The following IL21R variants were observed in gnomAD, a reference collection of about 807,000 sequenced individuals.
IL21R encodes interleukin-21 receptor.
A neutral mutation model predicts 41.3 loss-of-function variants in IL21R; 14 were observed. The ratio of observed to expected loss-of-function variants is 0.34; its 90% CI spans 0.22 to 0.53. IL21R has a LOEUF of 0.53. Among genes scored for constraint, IL21R ranks in the 20% least tolerant of loss-of-function variants. IL21R has a pLI of 0.94. For synonymous variants in IL21R, 286 were observed against 287.6 expected (o/e 0.99, Z 0.05); for missense variants, 588 against 681.6 (o/e 0.86, Z 1.53).
At chr16:27,405,692 C>G (rs556619504) in intron 1 of IL21R, among the ~76,000 whole-genome samples, 8 of 152,284 alleles carry the variant, frequency 5.3e-5, no homozygotes, top group African/African-American at 1.9e-4. Flanking sequence ...ATGGGAGGAA[C>G]CCACCCCCAC....
intron 1 of IL21R, among the ~76,000 whole-genome samples, chr16:27,407,409 A>C (rs1037199347): frequency 1.3e-5 from 2 of 152,206 alleles, no homozygotes; most frequent in African/African-American, 4.8e-5. Flanking sequence ...CTCTTTGAAG[A>C]GGCAACACTG....
At chr16:27,403,302 G>T (rs575148392) in intron 1 of IL21R, 1 of 1,265,520 alleles carries the variant, frequency 7.9e-7, no homozygotes, top group African/African-American at 1.5e-5. Context: ...TGAAGGATGG[G>T]AAAGGAAGAA....
rs200076742 is a variant in IL21R at position 27,449,130 on chromosome 16, C to T, written c.1464C>T (p.Asp488=). The T allele has an allele frequency of 9.9e-6, 16 of 1,613,458 alleles. No homozygotes were observed. The highest frequency in any genetic ancestry group is 8.9e-5 in the East Asian group (4 of 44,884). ...CACCCCTGGCCGGCCTGGATATGGA[C>T]ACGTTTGACAGTGGCTTTGTGGGCT... ...AGSPLAGLDM[D]TFDSGFVGSD... The change falls in exon 9 of 9, where the codon GAC becomes GAT. Residue 488 remains aspartate, a synonymous_variant. Transcript: ENST00000337929.
At chr16:27,403,132 T>C (rs761283776) in intron 1 of IL21R, 1 of 908,394 alleles carries the variant, frequency 1.1e-6, no homozygotes, top group South Asian at 1.4e-5. Context: ...GTGACTCAAC[T>C]GGGACGTAGC....
rs2087457107 is a variant in IL21R at position 27,445,252 on chromosome 16, G to A, written c.761G>A (p.Ser254Asn). 1.9e-6 allele frequency: 3 copies of A among 1,613,816 alleles called. No homozygotes were observed. Among genetic ancestry groups the A allele is most frequent in the Non-Finnish European group, 1.7e-6 (2 of 1,179,744 alleles). Residue 254 changes from serine (S) to asparagine (N), a missense_variant, in exon 7 of 9, where the codon AGC becomes AAC. Transcript: ENST00000337929. The stretch of plus-strand genomic sequence containing the variant: ...ATAGTCTTCATTCCTGCCTTCTGGA[G>A]CCTGAAGACCCATCCATTGTGGAGG... ...LVIVFIPAFW[S>N]LKTHPLWRLW...
Position 27,448,536 on chromosome 16 carries a change from ATGGG to A in IL21R, c.877_880del (p.Gly293HisfsTer86). The stretch of plus-strand genomic sequence containing the variant: ...CTCTCTCTTTTTCTCTCTCACAGAA[ATGGG>A]TGGGTGCACCCTTCACTGGCTCCAG... On this transcript the variant is annotated frameshift_variant, in exon 9 of 9. Transcript: ENST00000337929. LOFTEE classifies it low-confidence loss of function (END_TRUNC). 1 of 1,593,238 alleles carries A rather than the reference ATGGG, an allele frequency of 6.3e-7. No individual in the cohort carries two copies. Among genetic ancestry groups the A allele is most frequent in the Non-Finnish European group, 8.5e-7 (1 of 1,171,238 alleles).
At chr16:27,405,726 C>T (rs1190661391) in intron 1 of IL21R, among the ~76,000 whole-genome samples, 1 of 152,220 alleles carries the variant, frequency 6.6e-6, no homozygotes, top group African/African-American at 2.4e-5. Context: ...GTGCCACCGC[C>T]CCCACTCCCT....
intron 1 of IL21R, among the ~76,000 whole-genome samples, chr16:27,415,909 G>A (rs2086889280): frequency 6.6e-6 from 1 of 152,162 alleles, no homozygotes; most frequent in Non-Finnish European, 1.5e-5. Flanking sequence ...AATTTATGTT[G>A]AGAAATAGAG....
intron 2 of IL21R, among the ~76,000 whole-genome samples, chr16:27,430,390 G>A (rs376669378): frequency 5.9e-5 from 9 of 152,332 alleles, no homozygotes; most frequent in Admixed American, 2.6e-4. Context: ...GTCACTGGGG[G>A]GATGAAAGGC....
chr16:27,446,576 A>G (rs536836451), intron 8 of IL21R, among the ~76,000 whole-genome samples: 12 of 151,626 alleles, frequency 7.9e-5, no homozygotes, highest in Non-Finnish European at 8.8e-5. Context: ...GCCAACAGAC[A>G]GAGACTATAT....
At chr16:27,413,514 G>A (rs1268174022) in intron 1 of IL21R, among the ~76,000 whole-genome samples, 1 of 150,998 alleles carries the variant, frequency 6.6e-6, no homozygotes, top group Non-Finnish European at 1.5e-5. Flanking sequence ...TGTTAGGGAT[G>A]AATTGGTGTT....
intron 2 of IL21R, among the ~76,000 whole-genome samples, chr16:27,431,776 G>A (rs1292910984): frequency 6.6e-6 from 1 of 151,910 alleles, no homozygotes; most frequent in African/African-American, 2.4e-5. Flanking sequence ...TCAGCCTCCC[G>A]AGCAGCTGGG....
chr16:27,439,890 C>T (rs1378332712), intron 4 of IL21R, among the ~76,000 whole-genome samples: 1 of 152,128 alleles, frequency 6.6e-6, no homozygotes, highest in African/African-American at 2.4e-5. Context: ...GACCCCCAGG[C>T]TCTGCAAACA....
At chr16:27,446,888 G>T (rs528192098) in intron 8 of IL21R, among the ~76,000 whole-genome samples, 2 of 152,360 alleles carry the variant, frequency 1.3e-5, no homozygotes, top group African/African-American at 4.8e-5. Context: ...AGCAGTGGGA[G>T]TGGCTGCCAC....
chr16:27,436,136 C>T (rs576340399), intron 3 of IL21R, among the ~76,000 whole-genome samples: 4 of 152,160 alleles, frequency 2.6e-5, no homozygotes, highest in Non-Finnish European at 5.9e-5. Flanking sequence ...CACAGGTCGC[C>T]CATGGTTTTG....
At chr16:27,423,566 A>G (rs1226039506) in intron 1 of IL21R, among the ~76,000 whole-genome samples, 2 of 152,068 alleles carry the variant, frequency 1.3e-5, no homozygotes, top group Non-Finnish European at 2.9e-5. Context: ...TTACCTAAAC[A>G]ATATATAGGA....
chr16:27,448,384 G>A, intron 8 of IL21R, 150 bp from the exon 9 acceptor site: 1 of 776,698 alleles, frequency 1.3e-6, no homozygotes, highest in South Asian at 2.0e-5. Context: ...GATCCTGGGA[G>A]GCAGAGGTTG....
At chr16:27,416,549 C>G (rs904027717) in intron 1 of IL21R, among the ~76,000 whole-genome samples, 1 of 152,120 alleles carries the variant, frequency 6.6e-6, no homozygotes, top group Non-Finnish European at 1.5e-5. Context: ...TTGTATATCT[C>G]TTGATGCAGG....
chr16:27,444,822 A>C (rs999019881), intron 6 of IL21R, 103 bp downstream of exon 6: 1 of 1,099,064 alleles, frequency 9.1e-7, no homozygotes. Context: ...GGAGGTATTC[A>C]GTTGTTCATC....
Sources: gnomAD v4.1 joint callset for allele counts (sites outside exome capture counted in the v4.1 genomes callset) on GRCh38, gnomAD v4.1.1 for gene constraint, MANE v1.5 for transcripts, NCBI Gene and HGNC (gene_info 2026-07-23, HGNC 2026-07-21) for gene names.